STK10: variants seen among roughly 807,000 people sequenced by gnomAD.
STK10 encodes serine/threonine kinase 10, also known as serine/threonine-protein kinase 10.
In STK10, 78 loss-of-function variants were observed where a neutral mutation model predicts 113.8. The ratio of observed to expected loss-of-function variants is 0.69; its 90% confidence interval spans 0.57 to 0.83. The LOEUF (loss-of-function observed/expected upper bound fraction) is 0.83. Ranked by LOEUF, STK10 falls within the 40% of genes least tolerant of loss-of-function variation. The pLI, the probability that STK10 is intolerant of heterozygous loss-of-function variation, is 0.00. For missense variants in STK10, 1,109 were observed against 1,280.1 expected (o/e 0.87, Z 2.04); for synonymous variants, 465 against 494.7 (o/e 0.94, Z 0.80).
intron 2 of STK10, among the ~76,000 whole-genome samples, chr5:172,149,294 G>A (rs1770154801): frequency 1.3e-5 from 2 of 152,194 alleles, no homozygotes; most frequent in South Asian, 2.1e-4. Context: ...TCATGTTGCT[G>A]CCTCCTTCCT....
intron 1 of STK10, among the ~76,000 whole-genome samples, chr5:172,169,963 G>GA (rs1770635703): frequency 6.6e-6 from 1 of 152,136 alleles, no homozygotes; most frequent in Non-Finnish European, 1.5e-5. Flanking sequence ...TGACGCACGG[G>GA]AAAATCAATA....
chr5:172,150,493 A>AG (rs1770200440), intron 2 of STK10, among the ~76,000 whole-genome samples: 1 of 151,888 alleles, frequency 6.6e-6, no homozygotes, highest in African/African-American at 2.4e-5. Flanking sequence ...AAAAAAAAAA[A>AG]AAAGAAAGAA....
At chr5:172,111,525 C>A (rs1409165961) in intron 4 of STK10, among the ~76,000 whole-genome samples, 1 of 152,186 alleles carries the variant, frequency 6.6e-6, no homozygotes, top group African/African-American at 2.4e-5. Flanking sequence ...ACCTTGCAGC[C>A]CAGAGAACTG....
At chr5:172,162,209 TG>T (rs1770485966) in intron 1 of STK10, among the ~76,000 whole-genome samples, 1 of 151,828 alleles carries the variant, frequency 6.6e-6, no homozygotes, top group South Asian at 2.1e-4. Flanking sequence ...GGCAGGGTGG[TG>T]GGTGCCTGTA....
intron 1 of STK10, among the ~76,000 whole-genome samples, chr5:172,173,602 G>A (rs559286793): frequency 5.8e-4 from 88 of 152,254 alleles, no homozygotes; most frequent in Non-Finnish European, 8.4e-4. Flanking sequence ...GCCCTGTGCC[G>A]TCTCCAGGCT....
rs74437272 is a variant in STK10, at chr5:172,085,688, C to CA, written c.1686-2605dup. On this transcript the variant is annotated intron_variant, in intron 10 of 18. Coordinates refer to ENST00000176763, the MANE Select transcript of STK10 (RefSeq NM_005990.4). ...TGGGCGACAGAGTGAGACTCCATTT[C>CA]AAAAAAAAAAAAAAGAGAGAGAAAA... Among the ~76,000 whole-genome samples the CA allele has an allele frequency of 2.0e-3, 215 of 108,166 alleles. 1 individual carries two copies. Among genetic ancestry groups the CA allele is most frequent in the African/African-American group, 3.3e-3 (109 of 32,846 alleles). 71.0% of individuals were successfully genotyped at this position (108,166 alleles called of 152,430 possible). A position where few individuals can be genotyped will look rare whatever the true frequency, so the allele number is the denominator to read the frequency against.
intron 2 of STK10, among the ~76,000 whole-genome samples, chr5:172,145,845 A>G (rs1770075969): frequency 6.6e-6 from 1 of 152,196 alleles, no homozygotes; most frequent in African/African-American, 2.4e-5. Flanking sequence ...AGTACAGCAC[A>G]GCCATTAGTA....
intron 12 of STK10, among the ~76,000 whole-genome samples, chr5:172,076,501 G>C (rs914430044): frequency 2.6e-5 from 4 of 151,252 alleles, no homozygotes; most frequent in Non-Finnish European, 5.9e-5. Context: ...CTGTGCGTTA[G>C]TTGTGGGGGC....
Position 172,097,074 on chromosome 5 carries a change from T to C in STK10, c.871-514A>G, listed in dbSNP as rs145786252. 2.9e-3 allele frequency among the ~76,000 whole-genome samples: 436 copies of C among 152,368 alleles called. 3 individuals are homozygous for C. The highest frequency in any genetic ancestry group is 9.6e-3 in the African/African-American group (401 of 41,588). On this transcript the variant is annotated intron_variant, in intron 7 of 18. Coordinates refer to ENST00000176763, the MANE Select transcript of STK10 (RefSeq NM_005990.4). Reference sequence around the variant, plus strand: ...CTTTTTTGAGACAGAGTTTCACTCTTGTTGCCCAGGCTGGAAGGCAGTTGC... The same window carrying C: ...CTTTTTTGAGACAGAGTTTCACTCTCGTTGCCCAGGCTGGAAGGCAGTTGC...
At chr5:172,073,761 A>G (rs1768247873) in intron 12 of STK10, among the ~76,000 whole-genome samples, 1 of 136,120 alleles carries the variant, frequency 7.3e-6, no homozygotes, top group South Asian at 2.3e-4. Flanking sequence ...AGCTTGGCCA[A>G]CATGGTGAAA....
At chr5:172,097,100 G>A (rs561093047) in intron 7 of STK10, among the ~76,000 whole-genome samples, 48 of 152,168 alleles carry the variant, frequency 3.2e-4, no homozygotes, top group East Asian at 5.8e-4. Flanking sequence ...AGGCAGTTGC[G>A]CAATCTTGGC....
chr5:172,070,449 A>C (rs1171439213), intron 12 of STK10, among the ~76,000 whole-genome samples: 1 of 152,104 alleles, frequency 6.6e-6, no homozygotes. Flanking sequence ...TTGAATAAAA[A>C]TGAAAATACA....
At chr5:172,099,971 C>A (rs79246531) in intron 7 of STK10, among the ~76,000 whole-genome samples, 8,777 of 152,228 alleles carry the variant, frequency 0.058, 320 homozygotes, top group Non-Finnish European at 0.09. Flanking sequence ...GAAGGAGGGC[C>A]ATGGGGAAGA....
rs773119072 is a variant in STK10, at chr5:172,171,933, CT to C, written c.157-15146del. ...ACAGTGGCTCACACCTGTAATCCCCCTGTAAGGCCAGCACTTTGGGAGGGGA... is the reference window on the plus strand; with the variant it reads ...ACAGTGGCTCACACCTGTAATCCCCCGTAAGGCCAGCACTTTGGGAGGGGA... On this transcript the variant is annotated intron_variant, in intron 1 of 18. Coordinates refer to ENST00000176763, the MANE Select transcript of STK10 (RefSeq NM_005990.4). 3.8e-4 allele frequency among the ~76,000 whole-genome samples: 58 copies of C among 152,052 alleles called. 1 individual carries two copies. Among genetic ancestry groups the C allele is most frequent in the Admixed American group, 7.2e-4 (11 of 15,280 alleles).
chr5:172,049,041 C>T (rs549186249), intron 18 of STK10, among the ~76,000 whole-genome samples: 7 of 152,180 alleles, frequency 4.6e-5, no homozygotes, highest in African/African-American at 9.6e-5. Flanking sequence ...TCTTCTTAGA[C>T]GACATCTTCC....
At chr5:172,156,260 C>T (rs998453623) in intron 2 of STK10, among the ~76,000 whole-genome samples, 7 of 152,224 alleles carry the variant, frequency 4.6e-5, no homozygotes, top group Non-Finnish European at 7.3e-5. Context: ...AATTAACTCA[C>T]TTAATCGCAG....
intron 1 of STK10, among the ~76,000 whole-genome samples, chr5:172,172,018 C>T (rs1417010852): frequency 1.3e-5 from 2 of 151,978 alleles, no homozygotes; most frequent in Admixed American, 6.6e-5. Context: ...ATGGTGAAAC[C>T]CTGTCTCTAC....
In STK10 at chr5:172,043,146, G is replaced by A. The variant is rs547312548; in HGVS notation, c.*1736C>T. 3.3e-5 allele frequency: 5 copies of A among 149,924 alleles called. No individual in the cohort carries two copies. In the East Asian group the frequency reaches 9.8e-4, roughly 29 times the overall value. The allele number at this position is 149,924 out of a possible 1,614,324, so 9.3% of individuals were successfully genotyped here. A position where few individuals can be genotyped will look rare whatever the true frequency, so the allele number is the denominator to read the frequency against. On this transcript the variant is annotated 3_prime_UTR_variant, in exon 19 of 19. Transcript: ENST00000176763. ...GTCTCGCCCTGTCACCTAGGCTGGA[G>A]TGCAGTGGTGTGACCTTGGCTTACT...
chr5:172,090,935 TAA>T (rs547251159), intron 9 of STK10, among the ~76,000 whole-genome samples: 89 of 46,126 alleles, frequency 1.9e-3, no homozygotes, highest in African/African-American at 7.6e-3. Flanking sequence ...ACTCCGTCTC[TAA>T]AAAAAAAAAA....
Sources: gnomAD v4.1 joint callset for allele counts (sites outside exome capture counted in the v4.1 genomes callset) on GRCh38, gnomAD v4.1.1 for gene constraint, MANE v1.5 for transcripts, NCBI Gene and HGNC (gene_info 2026-07-23, HGNC 2026-07-21) for gene names.